The following SORD variants were observed in gnomAD, a reference collection of about 807,000 sequenced individuals.
SORD encodes sorbitol dehydrogenase.
In SORD, 18 loss-of-function variants were observed where a neutral mutation model predicts 35.6. That is an observed-to-expected ratio of 0.51 (90% CI 0.35 to 0.75). The LOEUF (loss-of-function observed/expected upper bound fraction) is 0.75, where lower values mean the gene tolerates loss of function less well. Ranked by LOEUF, SORD falls within the 30% of genes least tolerant of loss-of-function variation. SORD has a pLI of 0.01. For synonymous variants in SORD, 106 were observed against 152.9 expected (o/e 0.69, Z 2.26); for missense variants, 250 against 390.2 (o/e 0.64, Z 3.03).
At chr15:45,031,338 A>T (rs1301435471) in intron 1 of SORD, among the ~76,000 whole-genome samples, 11 of 152,096 alleles carry the variant, frequency 7.2e-5, no homozygotes. Context: ...AAAAAAAAAA[A>T]ACAACAGGGA....
intron 3 of SORD, among the ~76,000 whole-genome samples, chr15:45,059,085 C>T (rs1162024272): frequency 6.6e-6 from 1 of 152,124 alleles, no homozygotes; most frequent in Non-Finnish European, 1.5e-5. Flanking sequence ...TTATCTGTGC[C>T]TGTAGCTTGA....
In SORD at chr15:45,040,457, A is replaced by C. The variant is rs1219107464; in HGVS notation, c.100+16A>C. 1.3e-6 allele frequency: 2 copies of C among 1,567,172 alleles called. No individual in the cohort carries two copies. Among genetic ancestry groups the C allele is most frequent in the Non-Finnish European group, 8.8e-7 (1 of 1,137,702 alleles). On this transcript the variant is annotated intron_variant, in intron 2 of 8. Coordinates refer to ENST00000267814, the MANE Select transcript of SORD (RefSeq NM_003104.6). ...GGCCCAAATGGTAAGTTCTTGGGAA[A>C]CATGACTTATATTTTATTATTTCCT... is the stretch of plus-strand genomic sequence containing the variant.
In SORD at chr15:45,043,374, CGGG is replaced by C; in HGVS notation, c.219_221del (p.Gly74del). 2.8e-6 allele frequency: 2 copies of C among 707,030 alleles called. No homozygotes were observed. Among genetic ancestry groups the C allele is most frequent in the African/African-American group, 2.0e-5 (1 of 49,884 alleles). 43.8% of individuals were successfully genotyped at this position (707,030 alleles called of 1,614,324 possible). A position where few individuals can be genotyped will look rare whatever the true frequency, so the allele number is the denominator to read the frequency against. ...CCCATGGTGCTGGGACATGAAGCTT[CGGG>C]AACAGTCGAAAAAGTGGGATCATCG... On this transcript the variant is annotated inframe_deletion, in exon 3 of 9. Transcript: ENST00000267814.
At chr15:45,065,586 G>A (rs1214984746) in intron 5 of SORD, among the ~76,000 whole-genome samples, 197 bp downstream of exon 5, 1 of 152,100 alleles carries the variant, frequency 6.6e-6, no homozygotes, top group Admixed American at 6.5e-5. Flanking sequence ...TATTAACTAG[G>A]GTTATATGTC....
intron 7 of SORD, among the ~76,000 whole-genome samples, chr15:45,071,569 G>A (rs1893513995): frequency 6.6e-6 from 1 of 152,126 alleles, no homozygotes; most frequent in African/African-American, 2.4e-5. Flanking sequence ...TGACTATAAT[G>A]AACAATCAGC....
intron 5 of SORD, 144 bp downstream of exon 5, chr15:45,065,533 G>C (rs960489965): frequency 7.4e-7 from 1 of 1,357,814 alleles, no homozygotes; most frequent in Non-Finnish European, 9.9e-7. Flanking sequence ...CATTCCCTCA[G>C]TGACTAGCAC....
chr15:45,042,757 T>C (rs2141270562), intron 2 of SORD, among the ~76,000 whole-genome samples: 1 of 151,832 alleles, frequency 6.6e-6, no homozygotes. Context: ...TTGGTTAGTG[T>C]TGTCCAGAGA....
At chr15:45,038,485 A>G (rs1273716429) in intron 1 of SORD, among the ~76,000 whole-genome samples, 1 of 152,228 alleles carries the variant, frequency 6.6e-6, no homozygotes, top group Non-Finnish European at 1.5e-5. Flanking sequence ...TTTGTTTCAC[A>G]GGAGAAGAGG....
In SORD at chr15:45,061,126, G is replaced by A. The variant is rs1160784358; in HGVS notation, c.325G>A (p.Gly109Ser). ...AGAAAATGATGAATTCTGCAAGATGGGCCGATACAATCTGTCACCTTCCAT... is the reference window on the plus strand; with the variant it reads ...AGAAAATGATGAATTCTGCAAGATGAGCCGATACAATCTGTCACCTTCCAT... Reference protein sequence around the residue: ...PRENDEFCKMGRYNLSPSIFF... With the variant: ...PRENDEFCKMSRYNLSPSIFF... The change falls in exon 4 of 9, where the codon GGC becomes AGC. Residue 109 changes from glycine to serine, a missense_variant. By Grantham distance (56) the Gly-to-Ser change is moderately conservative. Coordinates refer to ENST00000267814, the MANE Select transcript of SORD (RefSeq NM_003104.6). The A allele has an allele frequency of 1.2e-5, 20 of 1,614,084 alleles. No homozygotes were observed. Among genetic ancestry groups the A allele is most frequent in the East Asian group, 2.2e-5 (1 of 44,886 alleles).
Position 45,023,418 on chromosome 15 carries a change from C to T in SORD, c.66+69C>T, listed in dbSNP as rs980537952. On this transcript the variant is annotated intron_variant, in intron 1 of 8. Coordinates refer to ENST00000267814, the MANE Select transcript of SORD (RefSeq NM_003104.6). ...CTCTCCTCTGAGCCCAGCCATAGTC[C>T]TGGCTTCCCACTTCCAGCCTGGCGC... 1.2e-5 allele frequency: 16 copies of T among 1,298,958 alleles called. No individual in the cohort carries two copies. The African/African-American group carries it at 2.1e-4, about 17-fold the overall frequency. The allele number at this position is 1,298,958 out of a possible 1,614,324, so 80.5% of individuals were successfully genotyped here. A position where few individuals can be genotyped will look rare whatever the true frequency, so the allele number is the denominator to read the frequency against.
chr15:45,066,236 T>G (rs1442594701), intron 5 of SORD, among the ~76,000 whole-genome samples: 2 of 142,060 alleles, frequency 1.4e-5, no homozygotes, highest in Non-Finnish European at 3.0e-5. Context: ...CAGAGCGAGA[T>G]TCTGTCTCAA....
chr15:45,061,946 G>A (rs1566963611), intron 4 of SORD, among the ~76,000 whole-genome samples: 3 of 152,188 alleles, frequency 2.0e-5, no homozygotes, highest in Admixed American at 6.5e-5. Flanking sequence ...TTCCTGAGGT[G>A]TGGTGTGCTG....
At chr15:45,071,051 C>A (rs1400145371) in intron 7 of SORD, among the ~76,000 whole-genome samples, 1 of 152,234 alleles carries the variant, frequency 6.6e-6, no homozygotes, top group Non-Finnish European at 1.5e-5. Context: ...ATGGACAAAT[C>A]TGAGCATCGC....
At chr15:45,060,916 C>G in intron 3 of SORD, 151 bp from the exon 4 acceptor site, 1 of 1,487,764 alleles carries the variant, frequency 6.7e-7, no homozygotes, top group Non-Finnish European at 9.0e-7. Context: ...GCTAGATTCT[C>G]TCATCTGGCA....
chr15:45,055,336 C>G (rs1893198209), intron 3 of SORD, among the ~76,000 whole-genome samples: 1 of 152,122 alleles, frequency 6.6e-6, no homozygotes, highest in Admixed American at 6.5e-5. Context: ...GAAATACAAA[C>G]TACCATCAGA....
intron 4 of SORD, 136 bp from the exon 5 acceptor site, chr15:45,065,135 A>G: frequency 4.1e-6 from 3 of 724,662 alleles, no homozygotes; most frequent in Non-Finnish European, 7.1e-6. Context: ...ATTGCTTAGC[A>G]CATTGCTCTG....
At chr15:45,040,723 T>C (rs1892953452) in intron 2 of SORD, among the ~76,000 whole-genome samples, 1 of 152,196 alleles carries the variant, frequency 6.6e-6, no homozygotes, top group Non-Finnish European at 1.5e-5. Flanking sequence ...TGATGTGAAG[T>C]ATATGGACCA....
At chr15:45,029,112 A>G (rs1892727100) in intron 1 of SORD, among the ~76,000 whole-genome samples, 1 of 152,280 alleles carries the variant, frequency 6.6e-6, no homozygotes. Flanking sequence ...TCCTCCAGAA[A>G]AAGAGAAATT....
chr15:45,054,009 G>A (rs1409723464), intron 3 of SORD, among the ~76,000 whole-genome samples: 1 of 147,942 alleles, frequency 6.8e-6, no homozygotes, highest in Non-Finnish European at 1.5e-5. Flanking sequence ...ATTCCATGGT[G>A]TATATCTGCC....
Sources: allele counts gnomAD v4.1 joint callset (sites outside exome capture counted in the v4.1 genomes callset), GRCh38; gene constraint gnomAD v4.1.1; transcripts MANE v1.5; gene names NCBI Gene and HGNC (gene_info 2026-07-23, HGNC 2026-07-21).